The following GABRB1 variants were observed in gnomAD, a reference collection of about 807,000 sequenced individuals.
GABRB1 encodes gamma-aminobutyric acid type A receptor subunit beta1.
Under a neutral mutation model 51.6 loss-of-function variants are expected in GABRB1, and 17 were observed. That is an observed-to-expected ratio of 0.33 (90% CI 0.23 to 0.49). The LOEUF (loss-of-function observed/expected upper bound fraction) is 0.49, where lower values mean the gene tolerates loss of function less well. Ranked by LOEUF, GABRB1 falls within the 20% of genes least tolerant of loss-of-function variation. GABRB1 has a pLI of 0.99. For synonymous variants in GABRB1, 247 were observed against 218.9 expected, an observed-to-expected ratio of 1.13 and a Z score of -1.14; for missense variants, 410 against 600.6, an observed-to-expected ratio of 0.68 and a Z score of 3.32.
At chr4:47,202,977 T>A (rs1719949264) in intron 4 of GABRB1, among the ~76,000 whole-genome samples, 1 of 152,136 alleles carries the variant, frequency 6.6e-6, no homozygotes, top group Non-Finnish European at 1.5e-5. Context: ...TGGCAAGGGT[T>A]GGAACAGCAA....
chr4:47,288,898 T>A (rs989427048), intron 4 of GABRB1, among the ~76,000 whole-genome samples: 2 of 152,198 alleles, frequency 1.3e-5, no homozygotes, highest in Non-Finnish European at 2.9e-5. Context: ...CCACAAAGAT[T>A]ACATCCATAT....
At position 47,406,735 on chromosome 4, in the gene GABRB1, C is replaced by T; in HGVS notation, c.889C>T (p.Leu297=). The T allele has an allele frequency of 6.2e-7, 1 of 1,614,172 alleles. No homozygotes were observed. The change falls in exon 8 of 9, where the codon CTG becomes TTG. Residue 297 remains leucine, a synonymous_variant. Coordinates refer to ENST00000295454, the MANE Select transcript of GABRB1 (RefSeq NM_000812.4). ...CATCAGCACCCACCTCAGGGAGACC[C>T]TGCCAAAGATCCCTTATGTCAAAGC... The part of the protein sequence containing the change: ...TTISTHLRET[L]PKIPYVKAID...
At chr4:47,291,376 C>A (rs985698829) in intron 4 of GABRB1, among the ~76,000 whole-genome samples, 1 of 152,150 alleles carries the variant, frequency 6.6e-6, no homozygotes, top group Non-Finnish European at 1.5e-5. Context: ...AGGGTTGAGG[C>A]CTTCATGGAG....
At chr4:47,252,349 G>T (rs935889303) in intron 4 of GABRB1, among the ~76,000 whole-genome samples, 6 of 151,912 alleles carry the variant, frequency 3.9e-5, no homozygotes, top group African/African-American at 1.5e-4. Flanking sequence ...TCCACAGTTG[G>T]GGCACTCACA....
chr4:47,087,323 C>T (rs1049381725), intron 3 of GABRB1, among the ~76,000 whole-genome samples: 1 of 152,080 alleles, frequency 6.6e-6, no homozygotes, highest in Non-Finnish European at 1.5e-5. Context: ...TATTTGGTGC[C>T]ATTATGATTA....
intron 3 of GABRB1, among the ~76,000 whole-genome samples, chr4:47,150,507 T>C (rs1334144116): frequency 6.6e-6 from 1 of 152,044 alleles, no homozygotes; most frequent in Non-Finnish European, 1.5e-5. Context: ...TATCATACTA[T>C]AGTATGTAGC....
At chr4:47,002,586 T>C (rs1724262228) in intron 1 of GABRB1, among the ~76,000 whole-genome samples, 1 of 152,164 alleles carries the variant, frequency 6.6e-6, no homozygotes. Flanking sequence ...TGTTTTTTTT[T>C]CTGTATCTTT....
At chr4:47,281,562 T>C (rs922132595) in intron 4 of GABRB1, among the ~76,000 whole-genome samples, 9 of 152,126 alleles carry the variant, frequency 5.9e-5, no homozygotes, top group African/African-American at 2.2e-4. Flanking sequence ...CCAAAGGACT[T>C]TAAATCAGTA....
chr4:47,317,550 T>C (rs921968168), intron 4 of GABRB1, among the ~76,000 whole-genome samples: 1 of 151,940 alleles, frequency 6.6e-6, no homozygotes, highest in Non-Finnish European at 1.5e-5. Context: ...ACAGAAAGCA[T>C]AGTGTTTTGT....
At chr4:47,196,984 A>G (rs893725661) in intron 4 of GABRB1, among the ~76,000 whole-genome samples, 1 of 152,224 alleles carries the variant, frequency 6.6e-6, no homozygotes, top group African/African-American at 2.4e-5. Flanking sequence ...CACTTAGTGT[A>G]TACTTGTTGA....
chr4:47,000,016 G>C (rs1295235892), intron 1 of GABRB1, among the ~76,000 whole-genome samples: 7 of 152,114 alleles, frequency 4.6e-5, no homozygotes, highest in African/African-American at 1.7e-4. Context: ...CCAGTACAGG[G>C]AGACAGATTT....
At position 47,161,423 on chromosome 4, in the gene GABRB1, C is replaced by T; in HGVS notation, c.415C>T (p.Arg139Ter). The T allele has an allele frequency of 1.9e-6, 3 of 1,612,584 alleles. No homozygotes were observed. The highest frequency in any genetic ancestry group is 2.5e-6 in the Non-Finnish European group (3 of 1,179,102). The change falls in exon 4 of 9, where the codon CGA becomes TGA. Residue 139 changes from arginine to a stop codon, truncating the protein, a stop_gained. Coordinates refer to ENST00000295454, the MANE Select transcript of GABRB1 (RefSeq NM_000812.4). LOFTEE classifies it high-confidence loss of function. ...TGTGCATGGGGTCACAGTGAAAAAT[C>T]GAATGATTCGACTGCATCCTGATGG... ...SFVHGVTVKN[R>*]MIRLHPDGTV...
chr4:47,121,340 T>C (rs1715765798), intron 3 of GABRB1, among the ~76,000 whole-genome samples: 1 of 152,162 alleles, frequency 6.6e-6, no homozygotes, highest in Non-Finnish European at 1.5e-5. Flanking sequence ...TGCCAGGGAA[T>C]AGGAGATGGG....
At chr4:47,198,533 CACAA>C (rs1397899748) in intron 4 of GABRB1, among the ~76,000 whole-genome samples, 3 of 151,998 alleles carry the variant, frequency 2.0e-5, no homozygotes, top group Admixed American at 6.6e-5. Flanking sequence ...CCTAAATGAT[CACAA>C]ACAAACTGTT....
At chr4:47,077,124 G>A (rs555425931) in intron 3 of GABRB1, among the ~76,000 whole-genome samples, 2 of 152,214 alleles carry the variant, frequency 1.3e-5, no homozygotes, top group South Asian at 4.2e-4. Context: ...AACTTTACAT[G>A]ACAAAAGATT....
intron 4 of GABRB1, among the ~76,000 whole-genome samples, chr4:47,211,177 T>C (rs192103436): frequency 6.6e-6 from 1 of 152,276 alleles, no homozygotes; most frequent in East Asian, 1.9e-4. Context: ...TCGGTTTTGG[T>C]GACATGAATC....
intron 3 of GABRB1, among the ~76,000 whole-genome samples, chr4:47,038,262 A>C (rs1259340567): frequency 2.6e-5 from 4 of 152,156 alleles, no homozygotes; most frequent in African/African-American, 9.7e-5. Context: ...GATTGTGTGC[A>C]ATCTAGGGCC....
chr4:47,319,222 G>C (rs1724986560), intron 4 of GABRB1, among the ~76,000 whole-genome samples: 1 of 151,976 alleles, frequency 6.6e-6, no homozygotes, highest in South Asian at 2.1e-4. Context: ...TATGTACACA[G>C]CATATGTACT....
intron 3 of GABRB1, among the ~76,000 whole-genome samples, chr4:47,080,241 G>T (rs1409839236): frequency 1.3e-5 from 2 of 151,218 alleles, no homozygotes; most frequent in Non-Finnish European, 2.9e-5. Context: ...AAACTGTGAC[G>T]CATGCCTTGT....
Sources: gnomAD v4.1 joint callset for allele counts (sites outside exome capture counted in the v4.1 genomes callset) on GRCh38, gnomAD v4.1.1 for gene constraint, MANE v1.5 for transcripts, NCBI Gene and HGNC (gene_info 2026-07-23, HGNC 2026-07-21) for gene names.